ATOH8: variants seen among roughly 807,000 people sequenced by gnomAD.
The protein encoded by ATOH8 is atonal bHLH transcription factor 8, also known as transcription factor ATOH8.
ATOH8 carries 9 observed loss-of-function variants against 21.2 expected under a neutral mutation model. The ratio of observed to expected loss-of-function variants is 0.42; its 90% confidence interval spans 0.26 to 0.74. The LOEUF is 0.74. Ranked by LOEUF, ATOH8 falls within the 30% of genes least tolerant of loss-of-function variation. ATOH8 has a pLI of 0.24. For synonymous variants in ATOH8, 253 were observed against 224.0 expected (o/e 1.13, Z -1.16); for missense variants, 524 against 470.9 (o/e 1.11, Z -1.04).
At position 85,754,378 on chromosome 2, in the gene ATOH8, G is replaced by C. The variant is rs775970009; in HGVS notation, c.189G>C (p.Arg63Ser). The change falls in exon 1 of 3, where the codon AGG (arginine) becomes AGC (serine). Residue 63 changes from arginine to serine, a missense_variant. Physicochemically the swap from Arg to Ser is moderately radical, Grantham distance 110 (BLOSUM62 -1). Transcript: ENST00000306279. ...TAGCCACCAACGGGCTGCGGGACAG[G>C]ACCCATCGGCTGCAGCCGGTCCCGG... is the stretch of plus-strand genomic sequence containing the variant. Reference protein sequence around the residue: ...RAVATNGLRDRTHRLQPVPVP... With the variant: ...RAVATNGLRDSTHRLQPVPVP... 3 of 1,591,688 alleles carry C rather than the reference G, an allele frequency of 1.9e-6. No homozygotes were observed. In the African/African-American group the frequency reaches 4.2e-5, roughly 22 times the overall value.
intron 2 of ATOH8, among the ~76,000 whole-genome samples, chr2:85,767,124 G>A (rs1013739867): frequency 2.5e-5 from 2 of 81,216 alleles, no homozygotes; most frequent in East Asian, 3.9e-4. Flanking sequence ...GAACCTCACC[G>A]GTTTTATTTT....
chr2:85,782,009 C>G (rs1680510884), intron 2 of ATOH8, among the ~76,000 whole-genome samples: 1 of 152,212 alleles, frequency 6.6e-6, no homozygotes, highest in South Asian at 2.1e-4. Flanking sequence ...GAATCAAGAG[C>G]AGCATTCAGA....
chr2:85,786,799 C>A, intron 2 of ATOH8, 86 bp from the exon 3 acceptor site: 2 of 1,599,612 alleles, frequency 1.3e-6, no homozygotes, highest in Non-Finnish European at 1.7e-6. Context: ...GCCTGGAGGA[C>A]TCAGTGAAGG....
chr2:85,773,254 G>A (rs1680239349), intron 2 of ATOH8: 2 of 181,594 alleles, frequency 1.1e-5, no homozygotes, highest in South Asian at 1.1e-4. Flanking sequence ...CGGCTCTGCC[G>A]CTGACTGCAG....
chr2:85,771,651 A>G (rs1215276111), intron 2 of ATOH8, among the ~76,000 whole-genome samples: 1 of 152,184 alleles, frequency 6.6e-6, no homozygotes, highest in African/African-American at 2.4e-5. Flanking sequence ...AAATCCTCGG[A>G]TGTCAAAGTA....
At position 85,789,571 on chromosome 2, in the gene ATOH8, A is replaced by G. The variant is rs1011769687; in HGVS notation, c.*2681A>G. Among the ~76,000 whole-genome samples, 5 of 152,244 alleles carry G rather than the reference A, an allele frequency of 3.3e-5. No homozygotes were observed. The highest frequency in any genetic ancestry group is 1.2e-4 in the African/African-American group (5 of 41,466). On this transcript the variant is annotated 3_prime_UTR_variant, in exon 3 of 3. Transcript: ENST00000306279. ...GGGCTTTCTATGCAGAGGAGCACTC[A>G]GCGCTGGCAGGAAATTGGAATCACC...
chr2:85,785,979 C>T lies in ATOH8; in HGVS notation c.961-906C>T, dbSNP rs1343334561. Among the ~76,000 whole-genome samples, 1 of 152,044 alleles carries T rather than the reference C, an allele frequency of 6.6e-6. No homozygotes were observed. The highest frequency in any genetic ancestry group is 1.9e-4 in the East Asian group (1 of 5,188). ...AGCCTCCCCACCGGCTCTGACCTCC[C>T]CAGAGAGCTAAAACCCCACAGGCCC... is the stretch of plus-strand genomic sequence containing the variant. On this transcript the variant is annotated intron_variant, in intron 2 of 2. Transcript: ENST00000306279. The surrounding 1 kb of genome is among the most constrained non-coding windows in gnomAD (Gnocchi z 4.1).
rs772755918 is a variant in ATOH8 at position 85,754,502 on chromosome 2, T to C, written c.313T>C (p.Ser105Pro). The C allele has an allele frequency of 3.5e-6, 5 of 1,431,530 alleles. No homozygotes were observed. The East Asian group carries it at 1.4e-4, about 40-fold the overall frequency. 88.7% of individuals were successfully genotyped at this position (1,431,530 alleles called of 1,614,324 possible). Residue 105 changes from serine to proline, a missense_variant, in exon 1 of 3, where the codon TCC becomes CCC. Transcript: ENST00000306279. ...CGGGGGCTCTCGGGCGCCCGAGGTCTCCGACGCGCGGAAACGCTGCTTCGC... is the reference window on the plus strand; with the variant it reads ...CGGGGGCTCTCGGGCGCCCGAGGTCCCCGACGCGCGGAAACGCTGCTTCGC... ...ERGGSRAPEV[S>P]DARKRCFALG...
At chr2:85,779,266 C>T (rs764349451) in intron 2 of ATOH8, among the ~76,000 whole-genome samples, 6 of 152,224 alleles carry the variant, frequency 3.9e-5, no homozygotes, top group Non-Finnish European at 7.3e-5. Context: ...TGGGCCAGCT[C>T]GACCCTCACA....
intron 1 of ATOH8, among the ~76,000 whole-genome samples, chr2:85,758,184 C>T (rs1376716471): frequency 6.6e-6 from 1 of 152,210 alleles, no homozygotes; most frequent in Non-Finnish European, 1.5e-5. Context: ...GTTTTAATAA[C>T]TGTCACAGAA....
rs1035214808 is a variant in ATOH8, at chr2:85,754,598, C to A, written c.409C>A (p.Pro137Thr). 3.4e-6 allele frequency: 5 copies of A among 1,478,806 alleles called. No individual in the cohort carries two copies. The African/African-American group carries it at 5.9e-5, about 17-fold the overall frequency. 91.6% of individuals were successfully genotyped at this position (1,478,806 alleles called of 1,614,324 possible). A position where few individuals can be genotyped will look rare whatever the true frequency, so the allele number is the denominator to read the frequency against. The change falls in exon 1 of 3, where the codon CCT (proline) becomes ACT (threonine). Residue 137 changes from proline (P) to threonine (T), a missense_variant. Coordinates refer to ENST00000306279, the MANE Select transcript of ATOH8 (RefSeq NM_032827.7). ...GCCTCCTGCGCCCCAGAGCCAGGCA[C>A]CTGGGGGCCCAGAGGCACAGCCTTT... is the stretch of plus-strand genomic sequence containing the variant. ...PPPPAPQSQA[P>T]GGPEAQPFRE... is the part of the protein sequence containing the mutation.
rs1444765054 is a variant in ATOH8, at chr2:85,789,353, C to T, written c.*2463C>T. On this transcript the variant is annotated 3_prime_UTR_variant, in exon 3 of 3. Coordinates refer to ENST00000306279, the MANE Select transcript of ATOH8 (RefSeq NM_032827.7). ...GCATCACGGAGCTCTGGGTTCTGTA[C>T]GGAGGGTGGGACAGACAGGTAGACA... Among the ~76,000 whole-genome samples, 1 of 152,034 alleles carries T rather than the reference C, an allele frequency of 6.6e-6. No individual in the cohort carries two copies. Among genetic ancestry groups the T allele is most frequent in the Admixed American group, 6.5e-5 (1 of 15,272 alleles).
chr2:85,754,896 A>AC lies in ATOH8; in HGVS notation c.708dup (p.Ala237ArgfsTer41). ...CAGCAGACCCGGAGGCTCCTGGCGA[A>AC]CGCCAGGGAGCGGACGCGGGTGCAC... On this transcript the variant is annotated frameshift_variant, in exon 1 of 3. Coordinates refer to ENST00000306279, the MANE Select transcript of ATOH8 (RefSeq NM_032827.7). LOFTEE classifies it high-confidence loss of function. 1 of 1,610,490 alleles carries AC rather than the reference A, an allele frequency of 6.2e-7. No individual in the cohort carries two copies. Among genetic ancestry groups the AC allele is most frequent in the Non-Finnish European group, 8.5e-7 (1 of 1,179,738 alleles).
chr2:85,777,864 G>A (rs1254497724), intron 2 of ATOH8, among the ~76,000 whole-genome samples: 1 of 152,228 alleles, frequency 6.6e-6, no homozygotes, highest in African/African-American at 2.4e-5. Flanking sequence ...CATGAGGTAA[G>A]GCGGTGTTTT....
chr2:85,756,683 A>AT (rs1365317820), intron 1 of ATOH8, among the ~76,000 whole-genome samples: 1 of 152,158 alleles, frequency 6.6e-6, no homozygotes, highest in Admixed American at 6.5e-5. Flanking sequence ...GGATTAACTC[A>AT]TTTTATAGTA....
intron 2 of ATOH8, chr2:85,774,332 C>G: frequency 1.0e-6 from 1 of 985,536 alleles, no homozygotes; most frequent in Non-Finnish European, 1.2e-6. Context: ...AGCCTTGAGC[C>G]CTGCACCTGG....
intron 2 of ATOH8, chr2:85,780,320 A>G (rs750907109): frequency 5.3e-5 from 8 of 152,298 alleles, no homozygotes; most frequent in Non-Finnish European, 1.2e-4. Context: ...CCCCCAGGTT[A>G]CCTGCTCTCA....
At chr2:85,775,876 G>T (rs1680307249) in intron 2 of ATOH8, among the ~76,000 whole-genome samples, 1 of 152,176 alleles carries the variant, frequency 6.6e-6, no homozygotes, top group African/African-American at 2.4e-5. Context: ...GCTAACTGTT[G>T]TCATTACCTT....
At position 85,754,130 on chromosome 2, in the gene ATOH8, C is replaced by G; in HGVS notation, c.-60C>G. ...AGCGGGAGAGCCAGAGACTCCTCGG[C>G]GCTGAGCGCGGCGGCGGCCCGGGCA... On this transcript the variant is annotated 5_prime_UTR_variant, in exon 1 of 3. Transcript: ENST00000306279. 7.1e-7 allele frequency: 1 copy of G among 1,417,022 alleles called. No homozygotes were observed. The highest frequency in any genetic ancestry group is 9.2e-7 in the Non-Finnish European group (1 of 1,092,194). 87.8% of individuals were successfully genotyped at this position (1,417,022 alleles called of 1,614,324 possible).
Sources: gnomAD v4.1 joint callset for allele counts (sites outside exome capture counted in the v4.1 genomes callset) on GRCh38, gnomAD v4.1.1 for gene constraint, Gnocchi (gnomAD v3.1) non-coding constraint, MANE v1.5 for transcripts, NCBI Gene and HGNC (gene_info 2026-07-23, HGNC 2026-07-21) for gene names.